BTBD7: variants seen among roughly 807,000 people sequenced by gnomAD.
BTBD7 encodes BTB/POZ domain-containing protein 7.
Under a neutral mutation model 99.9 loss-of-function variants are expected in BTBD7, and 38 were observed. The observed-to-expected ratio is 0.38, with a 90% CI of 0.29 to 0.50. The LOEUF (loss-of-function observed/expected upper bound fraction) is 0.50. BTBD7 is among the 20% of genes least tolerant of loss of function. BTBD7 has a pLI of 0.93. For missense variants in BTBD7, 1,170 were observed against 1,394.6 expected (o/e 0.84, Z 2.57); for synonymous variants, 520 against 511.4 (o/e 1.02, Z -0.23).
chr14:93,316,861 G>A (rs1301585399), intron 1 of BTBD7, among the ~76,000 whole-genome samples: 1 of 152,110 alleles, frequency 6.6e-6, no homozygotes, highest in Non-Finnish European at 1.5e-5. Flanking sequence ...TTGATCCTTA[G>A]TACTAGATTA....
In BTBD7 at chr14:93,248,469, T is replaced by C; in HGVS notation, c.2121+7A>G. On this transcript the variant is annotated splice_region_variant and intron_variant, in intron 9 of 10. Coordinates refer to ENST00000334746, the MANE Select transcript of BTBD7 (RefSeq NM_001002860.4). ...CCTATTTTAAACAGTTTAATGTCAT[T>C]TCCTACCTGCAACAGCTCTGCAGCA... 1 of 1,613,446 alleles carries C rather than the reference T, an allele frequency of 6.2e-7. No homozygotes were observed.
Position 93,294,791 on chromosome 14 carries a change from T to C in BTBD7, c.229A>G (p.Asn77Asp). The C allele has an allele frequency of 6.2e-7, 1 of 1,613,978 alleles. No individual in the cohort carries two copies. The highest frequency in any genetic ancestry group is 8.5e-7 in the Non-Finnish European group (1 of 1,179,984). The change falls in exon 3 of 11, where the codon AAT becomes GAT. Residue 77 changes from asparagine to aspartate, a missense_variant. Asn to Asp is a conservative substitution (Grantham distance 23, BLOSUM62 1). Around this residue, in one of 4 missense-constraint regions of BTBD7, gnomAD observed 359 missense variants for 497.9 expected, o/e 0.72. Transcript: ENST00000334746. ...KKKFIKRRKS[N>D]RSADHAKQMR... Reference sequence around the variant, plus strand: ...TGCTTGGCATGATCGGCAGACCTATTAGATTTCCGACGCTTAATAAACTTC... The same window carrying C: ...TGCTTGGCATGATCGGCAGACCTATCAGATTTCCGACGCTTAATAAACTTC...
intron 1 of BTBD7, among the ~76,000 whole-genome samples, chr14:93,304,753 A>G (rs1026662583): frequency 6.6e-6 from 1 of 152,256 alleles, no homozygotes; most frequent in Non-Finnish European, 1.5e-5. Context: ...AATTTCTCCT[A>G]AATTCCATTC....
chr14:93,238,481 G>A lies in BTBD7; in HGVS notation c.*3792C>T, dbSNP rs561610253. On this transcript the variant is annotated 3_prime_UTR_variant, in exon 11 of 11. Coordinates refer to ENST00000334746, the MANE Select transcript of BTBD7 (RefSeq NM_001002860.4). ...GACAAAGTAAACCACCACAGAACCA[G>A]GAATAGCACCCATCACTGCTGCTTT... The A allele has an allele frequency of 3.9e-5, 6 of 152,620 alleles. No individual in the cohort carries two copies. The highest frequency in any genetic ancestry group is 1.4e-4 in the African/African-American group (6 of 41,520). The allele number at this position is 152,620 out of a possible 1,614,324, so 9.5% of individuals were successfully genotyped here. A position where few individuals can be genotyped will look rare whatever the true frequency, so the allele number is the denominator to read the frequency against.
Position 93,294,051 on chromosome 14 carries a change from T to A in BTBD7, c.969A>T (p.Lys323Asn), listed in dbSNP as rs779941739. 1 of 1,613,652 alleles carries A rather than the reference T, an allele frequency of 6.2e-7. No individual in the cohort carries two copies. The highest frequency in any genetic ancestry group is 1.1e-5 in the South Asian group (1 of 91,014). ...TACAGTGTAATATCACTGTTGCATATTTTTTTGGTATAATGGACTCATCTA... is the reference window on the plus strand; with the variant it reads ...TACAGTGTAATATCACTGTTGCATAATTTTTTGGTATAATGGACTCATCTA... ...IILDESIIPK[K>N]YATVILHCMY... Residue 323 changes from lysine to asparagine, a missense_variant, in exon 3 of 11, where the codon AAA becomes AAT. Around this residue, in one of 4 missense-constraint regions of BTBD7, gnomAD observed 359 missense variants for 497.9 expected, o/e 0.72. Transcript: ENST00000334746.
intron 3 of BTBD7, among the ~76,000 whole-genome samples, chr14:93,280,554 G>C (rs1463887509): frequency 1.3e-5 from 2 of 152,192 alleles, no homozygotes; most frequent in Admixed American, 6.5e-5. Context: ...TTTATCAGAA[G>C]TTTTATAAAC....
chr14:93,257,594 G>A (rs541574905), intron 5 of BTBD7, among the ~76,000 whole-genome samples: 1 of 152,300 alleles, frequency 6.6e-6, no homozygotes, highest in African/African-American at 2.4e-5. Flanking sequence ...CTGCAATAAA[G>A]AATAAAGGAT....
intron 10 of BTBD7, among the ~76,000 whole-genome samples, chr14:93,244,914 T>C (rs35106539): frequency 1.4e-5 from 2 of 144,370 alleles, no homozygotes; most frequent in African/African-American, 5.2e-5. Context: ...TGCAGGGCAG[T>C]GGTTTGATCA....
At position 93,302,571 on chromosome 14, in the gene BTBD7, G is replaced by C. The variant is rs547928628; in HGVS notation, c.-106-6414C>G. Among the ~76,000 whole-genome samples the C allele has an allele frequency of 5.9e-5, 9 of 152,258 alleles. No homozygotes were observed. The East Asian group carries it at 1.4e-3, about 23-fold the overall frequency. The stretch of plus-strand genomic sequence containing the variant: ...AGTTTTAAAAGAAATAAAGGGCCGG[G>C]AGCGATGGCTCAAGCCTGTAATCCC... On this transcript the variant is annotated intron_variant, in intron 1 of 10. Coordinates refer to ENST00000334746, the MANE Select transcript of BTBD7 (RefSeq NM_001002860.4).
Position 93,292,392 on chromosome 14 carries a change from G to A in BTBD7, c.1162+1466C>T, listed in dbSNP as rs573547898. On this transcript the variant is annotated intron_variant, in intron 3 of 10. Transcript: ENST00000334746. ...ACAGAAAAAAATAGTAGCTTAAACT[G>A]CTACTCTATTTTTGATAACATATTT... 4.6e-5 allele frequency among the ~76,000 whole-genome samples: 7 copies of A among 151,816 alleles called. No homozygotes were observed. The East Asian group carries it at 1.4e-3, about 29-fold the overall frequency.
At chr14:93,267,759 GTTCA>G (rs905754860) in intron 3 of BTBD7, among the ~76,000 whole-genome samples, 2 of 152,112 alleles carry the variant, frequency 1.3e-5, no homozygotes, top group Non-Finnish European at 2.9e-5. Context: ...ACCAGATGCT[GTTCA>G]TTCTTCTTTT....
At chr14:93,291,169 G>GA (rs576283863) in intron 3 of BTBD7, among the ~76,000 whole-genome samples, 8 of 151,836 alleles carry the variant, frequency 5.3e-5, no homozygotes, top group East Asian at 3.9e-4. Flanking sequence ...GTTATTTTTA[G>GA]AAAAAAACTA....
chr14:93,280,648 T>C (rs1386163873), intron 3 of BTBD7, among the ~76,000 whole-genome samples: 1 of 152,172 alleles, frequency 6.6e-6, no homozygotes, highest in Non-Finnish European at 1.5e-5. Context: ...TCTTTTAATA[T>C]ATCAAGTAAT....
At chr14:93,331,729 A>C (rs568153991) in intron 1 of BTBD7, among the ~76,000 whole-genome samples, 1 of 152,258 alleles carries the variant, frequency 6.6e-6, no homozygotes, top group Admixed American at 6.5e-5. Flanking sequence ...AAAAATACAA[A>C]AACTAGCCGG....
intron 5 of BTBD7, 141 bp downstream of exon 5, chr14:93,261,461 G>C: frequency 1.4e-6 from 1 of 723,530 alleles, no homozygotes; most frequent in East Asian, 2.5e-5. Context: ...GTCCACTAAA[G>C]GATTTTGCTG....
chr14:93,331,652 G>A (rs1352245096), intron 1 of BTBD7, among the ~76,000 whole-genome samples: 2 of 152,192 alleles, frequency 1.3e-5, no homozygotes, highest in East Asian at 3.8e-4. Flanking sequence ...AGGACGAGGC[G>A]GGCGGATCAC....
intron 3 of BTBD7, among the ~76,000 whole-genome samples, chr14:93,293,299 C>A (rs557132328): frequency 6.6e-6 from 1 of 152,082 alleles, no homozygotes; most frequent in African/African-American, 2.4e-5. Flanking sequence ...ATGAGTCTAG[C>A]GCTAACTGTG....
At chr14:93,308,067 G>T (rs2139797805) in intron 1 of BTBD7, among the ~76,000 whole-genome samples, 1 of 152,174 alleles carries the variant, frequency 6.6e-6, no homozygotes, top group Admixed American at 6.5e-5. Context: ...GGCCGAGGTG[G>T]GCGGATCATG....
At chr14:93,319,231 A>G (rs555722180) in intron 1 of BTBD7, among the ~76,000 whole-genome samples, 1 of 152,312 alleles carries the variant, frequency 6.6e-6, no homozygotes, top group South Asian at 2.1e-4. Context: ...ACAACAACCA[A>G]AACCAAAAAA....
Sources: allele counts gnomAD v4.1 joint callset (sites outside exome capture counted in the v4.1 genomes callset), GRCh38; gene constraint gnomAD v4.1.1; regional missense constraint gnomAD v4.1.1; transcripts MANE v1.5; gene names NCBI Gene and HGNC (gene_info 2026-07-23, HGNC 2026-07-21).